Variants in PDCD11 observed in about 807,000 individuals in gnomAD.
PDCD11 encodes programmed cell death 11.
PDCD11 carries 97 observed loss-of-function variants against 198.9 expected under a neutral mutation model. The observed-to-expected ratio is 0.49, with a 90% CI of 0.41 to 0.58. The LOEUF (loss-of-function observed/expected upper bound fraction) is 0.58. Among genes scored for constraint, PDCD11 ranks in the 20% least tolerant of loss-of-function variants. PDCD11 has a pLI of 0.00. For missense variants in PDCD11, 2,102 were observed against 2,312.7 expected (o/e 0.91, Z 1.87); for synonymous variants, 893 against 918.0 (o/e 0.97, Z 0.49).
chr10:103,430,379 G>T (rs932689167), intron 21 of PDCD11, among the ~76,000 whole-genome samples: 3 of 152,212 alleles, frequency 2.0e-5, no homozygotes, highest in Non-Finnish European at 2.9e-5. Flanking sequence ...CGGACATTTA[G>T]GTTGCTTGTG....
At chr10:103,415,463 G>A (rs1455415887) in intron 12 of PDCD11, among the ~76,000 whole-genome samples, 1 of 152,224 alleles carries the variant, frequency 6.6e-6, no homozygotes, top group South Asian at 2.1e-4. Context: ...AATTGTTGAC[G>A]TTATCAGTAG....
Position 103,443,158 on chromosome 10 carries a change from C to T in PDCD11, c.4956-7C>T. ...TGGCGCTCATGTGCTGACTGCTCTC[C>T]CTCCAGAGAGGAGCAGGAGAAGCTG... On this transcript the variant is annotated splice_region_variant and splice_polypyrimidine_tract_variant and intron_variant, in intron 32 of 35. Coordinates refer to ENST00000369797, the MANE Select transcript of PDCD11 (RefSeq NM_014976.2). 6.4e-7 allele frequency: 1 copy of T among 1,569,738 alleles called. No individual in the cohort carries two copies. Among genetic ancestry groups the T allele is most frequent in the Non-Finnish European group, 8.7e-7 (1 of 1,151,954 alleles).
chr10:103,432,097 G>T, intron 21 of PDCD11, 32 bp from the exon 22 acceptor site: 8 of 1,516,750 alleles, frequency 5.3e-6, no homozygotes, highest in Non-Finnish European at 7.3e-6. Context: ...CCAGAGATGG[G>T]TTTACTGTTT....
At position 103,432,032 on chromosome 10, in the gene PDCD11, C is replaced by T. The variant is rs142289568; in HGVS notation, c.3369-97C>T. 3.8e-4 allele frequency: 335 copies of T among 871,206 alleles called. 1 individual carries two copies. In the African/African-American group the frequency reaches 4.5e-3, roughly 12 times the overall value. The allele number at this position is 871,206 out of a possible 1,614,324, so 54.0% of individuals were successfully genotyped here. A position where few individuals can be genotyped will look rare whatever the true frequency, so the allele number is the denominator to read the frequency against. ...AGGGTGAGTATGAGTAGGGGAGTCC[C>T]GTACAGTCAATCCGTGGCCACTTGG... On this transcript the variant is annotated intron_variant, in intron 21 of 35. Coordinates refer to ENST00000369797, the MANE Select transcript of PDCD11 (RefSeq NM_014976.2).
Position 103,418,612 on chromosome 10 carries a change from T to C in PDCD11, c.2084T>C (p.Leu695Pro), listed in dbSNP as rs1240371515. ...AGDILHRVLC[L>P]SQSEGRVLLC... ...GACATCCTTCACCGAGTCCTGTGTCTGAGCCAGAGCGAGGGGCGTGTTGTA... is the reference window on the plus strand; with the variant it reads ...GACATCCTTCACCGAGTCCTGTGTCCGAGCCAGAGCGAGGGGCGTGTTGTA... The change falls in exon 15 of 36, where the codon CTG (leucine) becomes CCG (proline). Residue 695 changes from leucine to proline, a missense_variant. Coordinates refer to ENST00000369797, the MANE Select transcript of PDCD11 (RefSeq NM_014976.2). 1.9e-6 allele frequency: 3 copies of C among 1,614,008 alleles called. No homozygotes were observed. The African/African-American group carries it at 4.0e-5, about 22-fold the overall frequency.
chr10:103,440,322 C>G lies in PDCD11; in HGVS notation c.4181C>G (p.Ser1394Cys), dbSNP rs1592141730. 1 of 1,614,118 alleles carries G rather than the reference C, an allele frequency of 6.2e-7. No individual in the cohort carries two copies. Among genetic ancestry groups the G allele is most frequent in the Middle Eastern group, 1.7e-4 (1 of 6,060 alleles). The change falls in exon 29 of 36, where the codon TCT becomes TGT. Residue 1394 changes from serine (S) to cysteine (C), a missense_variant. Transcript: ENST00000369797. ...LNHQKNLVEL[S>C]FLPGDTGKPD... The stretch of plus-strand genomic sequence containing the variant: ...CACCAGAAGAACCTGGTAGAGCTGT[C>G]TTTCCTCCCCGGAGACACTGGGAAG...
At chr10:103,433,786 G>A (rs1448286293) in intron 22 of PDCD11, among the ~76,000 whole-genome samples, 162 bp from the exon 23 acceptor site, 4 of 152,210 alleles carry the variant, frequency 2.6e-5, no homozygotes, top group African/African-American at 9.7e-5. Context: ...GGAAGCTGGT[G>A]AGAAGTGGAG....
In PDCD11 at chr10:103,413,225, A is replaced by C. The variant is rs201726517; in HGVS notation, c.1088A>C (p.Asn363Thr). 123 of 1,613,916 alleles carry C rather than the reference A, an allele frequency of 7.6e-5. No homozygotes were observed. Among genetic ancestry groups the C allele is most frequent in the Non-Finnish European group, 1.0e-4 (119 of 1,180,006 alleles). Reference sequence around the variant, plus strand: ...CCACTCACCCGACTCTCTTGCCAGAACCTTGGAGCAGTGCTGGATGATGTT... The same window carrying C: ...CCACTCACCCGACTCTCTTGCCAGACCCTTGGAGCAGTGCTGGATGATGTT... ...GRPLTRLSCQ[N>T]LGAVLDDVPV... The change falls in exon 9 of 36, where the codon AAC (asparagine) becomes ACC (threonine). Residue 363 changes from asparagine to threonine, a missense_variant. Transcript: ENST00000369797.
chr10:103,442,799 A>T (rs1208224978), intron 32 of PDCD11, among the ~76,000 whole-genome samples: 1 of 152,146 alleles, frequency 6.6e-6, no homozygotes, highest in African/African-American at 2.4e-5. Flanking sequence ...AAACAGAGGG[A>T]GTTTTTGAGG....
chr10:103,414,234 TA>T (rs759112882), intron 10 of PDCD11, 35 bp from the exon 11 acceptor site: 7 of 1,600,850 alleles, frequency 4.4e-6, no homozygotes, highest in Non-Finnish European at 6.0e-6. Flanking sequence ...ACCTCTGCCC[TA>T]GTTTATTTAA....
chr10:103,444,672 A>C lies in PDCD11; in HGVS notation c.5434A>C (p.Lys1812Gln), dbSNP rs2133759457. The change falls in exon 35 of 36, where the codon AAG becomes CAG. Residue 1812 changes from lysine (K) to glutamine (Q), a missense_variant. Transcript: ENST00000369797. ...IDMTIKHGSQ[K>Q]DVRDIFERVI... ...CATGACCATCAAGCACGGCAGCCAG[A>C]AGGACGTCCGGTGAGTGGGGCAGCT... 1.9e-6 allele frequency: 3 copies of C among 1,613,782 alleles called. No individual in the cohort carries two copies. Among genetic ancestry groups the C allele is most frequent in the Non-Finnish European group, 2.5e-6 (3 of 1,179,994 alleles).
chr10:103,427,518 C>CT lies in PDCD11; in HGVS notation c.3368+129dup, dbSNP rs1191369077. 3 of 742,946 alleles carry CT rather than the reference C, an allele frequency of 4.0e-6. No homozygotes were observed. The East Asian group carries it at 8.2e-5, about 20-fold the overall frequency. 46.0% of individuals were successfully genotyped at this position (742,946 alleles called of 1,614,324 possible). A position where few individuals can be genotyped will look rare whatever the true frequency, so the allele number is the denominator to read the frequency against. ...TTTTGCCTTTCTCTGTCCAAGTTTT[C>CT]TTGTTTCTCTAGTGGGGATATTTGG... On this transcript the variant is annotated intron_variant, in intron 21 of 35. Coordinates refer to ENST00000369797, the MANE Select transcript of PDCD11 (RefSeq NM_014976.2).
Position 103,443,280 on chromosome 10 carries a change from C to T in PDCD11, c.5071C>T (p.Leu1691Phe), listed in dbSNP as rs762533691. Residue 1691 changes from leucine (L) to phenylalanine (F), a missense_variant, in exon 33 of 36, where the codon CTC becomes TTC. Leu to Phe is a conservative substitution (Grantham distance 22). Transcript: ENST00000369797. ...FERAVQYNEP[L>F]KVFLHLADIY... is the part of the protein sequence containing the mutation. ...GCGAGCCGTGCAGTACAACGAGCCT[C>T]TCAAAGTCTTTCTCCACCTGGCTGA... 14 of 1,612,544 alleles carry T rather than the reference C, an allele frequency of 8.7e-6. No homozygotes were observed. The highest frequency in any genetic ancestry group is 1.1e-5 in the Non-Finnish European group (13 of 1,178,848).
chr10:103,444,144 T>G, intron 34 of PDCD11, 76 bp downstream of exon 34: 13 of 1,320,540 alleles, frequency 9.8e-6, no homozygotes, highest in Non-Finnish European at 1.4e-5. Flanking sequence ...TGGCATTGCT[T>G]CTTCTAAGTC....
intron 20 of PDCD11, among the ~76,000 whole-genome samples, chr10:103,426,710 C>T (rs1170045808): frequency 6.6e-6 from 1 of 151,210 alleles, no homozygotes; most frequent in East Asian, 1.9e-4. Flanking sequence ...CACTTGAACT[C>T]AGGAGGCAGA....
chr10:103,413,276 C>G lies in PDCD11; in HGVS notation c.1139C>G (p.Ala380Gly). 1.2e-6 allele frequency: 2 copies of G among 1,614,188 alleles called. No homozygotes were observed. Among genetic ancestry groups the G allele is most frequent in the Non-Finnish European group, 1.7e-6 (2 of 1,180,026 alleles). The change falls in exon 9 of 36, where the codon GCT becomes GGT. Residue 380 changes from alanine (A) to glycine (G), a missense_variant. Transcript: ENST00000369797. ...CCTGTCCAGGGTTTTTTCAAAAAGG[C>G]TGGGGCCACCTTTAGGCTGAAGGAT... Reference protein sequence around the residue: ...DVPVQGFFKKAGATFRLKDGV... With the variant: ...DVPVQGFFKKGGATFRLKDGV...
intron 7 of PDCD11, among the ~76,000 whole-genome samples, chr10:103,408,974 C>G (rs372528679): frequency 6.6e-6 from 1 of 152,158 alleles, no homozygotes; most frequent in African/African-American, 2.4e-5. Context: ...TCTCCACCCA[C>G]GAGGGTCTAA....
At position 103,440,742 on chromosome 10, in the gene PDCD11, G is replaced by A. The variant is rs760207946; in HGVS notation, c.4449G>A (p.Val1483=). ...CCCACCTGGCCTCTCAGGAAAGAGTGAGCAAGAAGCCAAAGAAAGCCGGCC... is the reference window on the plus strand; with the variant it reads ...CCCACCTGGCCTCTCAGGAAAGAGTAAGCAAGAAGCCAAAGAAAGCCGGCC... ...CRESGSEQER[V]SKKPKKAGLS... is the part of the protein sequence containing the mutation. Residue 1483 remains valine, a synonymous_variant, in exon 30 of 36, where the codon GTG becomes GTA. Transcript: ENST00000369797. 2 of 1,614,138 alleles carry A rather than the reference G, an allele frequency of 1.2e-6. No homozygotes were observed. Among genetic ancestry groups the A allele is most frequent in the Non-Finnish European group, 1.7e-6 (2 of 1,180,024 alleles).
intron 31 of PDCD11, 116 bp downstream of exon 31, chr10:103,442,091 G>C: frequency 3.2e-6 from 5 of 1,547,262 alleles, no homozygotes; most frequent in Non-Finnish European, 4.4e-6. Flanking sequence ...GCAGCGGCCA[G>C]TCCCAGGCCA....
Sources: gnomAD v4.1 joint callset for allele counts (sites outside exome capture counted in the v4.1 genomes callset) on GRCh38, gnomAD v4.1.1 for gene constraint, MANE v1.5 for transcripts, NCBI Gene and HGNC (gene_info 2026-07-23, HGNC 2026-07-21) for gene names.